Variants in DPP6 observed in about 807,000 individuals in gnomAD.
DPP6 encodes A-type potassium channel modulatory protein DPP6.
Under a neutral mutation model 122.6 loss-of-function variants are expected in DPP6, and 69 were observed. The ratio of observed to expected loss-of-function variants is 0.56; its 90% CI spans 0.46 to 0.69. The LOEUF (loss-of-function observed/expected upper bound fraction) is 0.69. DPP6 is among the 30% of genes least tolerant of loss of function. The pLI is 0.00. For missense variants in DPP6, 928 were observed against 1,116.9 expected, an observed-to-expected ratio of 0.83 and a Z score of 2.41; for synonymous variants, 418 against 433.1, an observed-to-expected ratio of 0.97 and a Z score of 0.43.
At chr7:154,648,917 TAA>T (rs59039501) in intron 6 of DPP6, among the ~76,000 whole-genome samples, 24,115 of 149,060 alleles carry the variant, frequency 0.16, 2,384 homozygotes, top group African/African-American at 0.28. Context: ...GACTCCATCT[TAA>T]AAAAAAAAAA....
At chr7:154,706,178 C>G (rs1840819274) in intron 7 of DPP6, among the ~76,000 whole-genome samples, 1 of 152,224 alleles carries the variant, frequency 6.6e-6, no homozygotes, top group Admixed American at 6.5e-5. Context: ...TCCCCTGCCA[C>G]TTCTCCAGCT....
At chr7:154,365,282 AT>A (rs756896695) in intron 1 of DPP6, among the ~76,000 whole-genome samples, 3 of 152,254 alleles carry the variant, frequency 2.0e-5, no homozygotes, top group Non-Finnish European at 2.9e-5. Flanking sequence ...AAAAGTAGAA[AT>A]TAGACAAAAA....
chr7:154,662,260 A>T (rs1461627796), intron 6 of DPP6, among the ~76,000 whole-genome samples: 5 of 151,696 alleles, frequency 3.3e-5, no homozygotes, highest in African/African-American at 1.2e-4. Flanking sequence ...CATAGTGTTC[A>T]TATAGTCATG....
chr7:154,773,652 C>A (rs1796393144), intron 10 of DPP6, among the ~76,000 whole-genome samples: 1 of 152,076 alleles, frequency 6.6e-6, no homozygotes, highest in Admixed American at 6.5e-5. Flanking sequence ...AGGACCCACC[C>A]AAGTATAGAT....
chr7:154,226,666 C>T (rs1800622432), intron 1 of DPP6, among the ~76,000 whole-genome samples: 1 of 152,170 alleles, frequency 6.6e-6, no homozygotes, highest in Non-Finnish European at 1.5e-5. Context: ...TCTACATGGG[C>T]ATCCTCAGTA....
chr7:154,195,800 C>T (rs1798836982), intron 1 of DPP6, among the ~76,000 whole-genome samples: 1 of 152,082 alleles, frequency 6.6e-6, no homozygotes, highest in African/African-American at 2.4e-5. Context: ...TCAGGTAGGT[C>T]CTTCTTCTTC....
intron 1 of DPP6, among the ~76,000 whole-genome samples, chr7:154,045,487 G>A (rs951220640): frequency 1.3e-5 from 2 of 152,260 alleles, no homozygotes; most frequent in Admixed American, 1.3e-4. Flanking sequence ...AGTTTCAGCT[G>A]GTCTGAGACA....
chr7:154,308,177 T>G (rs1036281087), intron 1 of DPP6, among the ~76,000 whole-genome samples: 4 of 152,148 alleles, frequency 2.6e-5, no homozygotes. Flanking sequence ...GCCTTGGTAT[T>G]TGGAAACCAG....
the DPP6 span, among the ~76,000 whole-genome samples, chr7:153,760,815 A>G: frequency 1.3e-5 from 2 of 152,070 alleles, no homozygotes; most frequent in African/African-American, 4.8e-5. Context: ...CTTCCAGGTT[A>G]TTCTTTCCCC....
At chr7:154,764,340 T>C (rs920212243) in intron 8 of DPP6, among the ~76,000 whole-genome samples, 3 of 151,548 alleles carry the variant, frequency 2.0e-5, no homozygotes, top group Non-Finnish European at 4.4e-5. Flanking sequence ...TACTGTAACC[T>C]GCGTGGCCAA....
chr7:154,450,311 A>G (rs1820251566), intron 2 of DPP6, among the ~76,000 whole-genome samples: 1 of 152,224 alleles, frequency 6.6e-6, no homozygotes, highest in South Asian at 2.1e-4. Flanking sequence ...AAGGGGGATG[A>G]AGAAATTATT....
At chr7:154,726,049 T>C (rs1842050393) in intron 7 of DPP6, among the ~76,000 whole-genome samples, 1 of 152,188 alleles carries the variant, frequency 6.6e-6, no homozygotes, top group Non-Finnish European at 1.5e-5. Flanking sequence ...GTCTCCATGA[T>C]CTTGGGCCAC....
At chr7:153,954,160 A>G (rs1483718640) in intron 1 of DPP6, among the ~76,000 whole-genome samples, 1 of 152,246 alleles carries the variant, frequency 6.6e-6, no homozygotes, top group Non-Finnish European at 1.5e-5. Flanking sequence ...AGCCAAGTTG[A>G]CATCTACAAT....
At chr7:154,465,632 A>G (rs1821716139) in intron 2 of DPP6, among the ~76,000 whole-genome samples, 1 of 152,280 alleles carries the variant, frequency 6.6e-6, no homozygotes, top group Non-Finnish European at 1.5e-5. Flanking sequence ...GTCATTAAAG[A>G]AATGCAAATC....
At chr7:154,591,600 C>T (rs1016942870) in intron 5 of DPP6, among the ~76,000 whole-genome samples, 1 of 152,052 alleles carries the variant, frequency 6.6e-6, no homozygotes, top group Non-Finnish European at 1.5e-5. Flanking sequence ...GCGTGCAGTT[C>T]CTCAGATCCA....
chr7:154,286,964 G>A (rs1379799740), intron 1 of DPP6, among the ~76,000 whole-genome samples: 3 of 151,980 alleles, frequency 2.0e-5, no homozygotes, highest in Admixed American at 6.6e-5. Context: ...TACCATGCCC[G>A]GCTAATTTTT....
chr7:154,683,437 T>C (rs1839408026), intron 7 of DPP6, among the ~76,000 whole-genome samples: 1 of 152,200 alleles, frequency 6.6e-6, no homozygotes, highest in Non-Finnish European at 1.5e-5. Context: ...CTTGATCCAC[T>C]ATACATTTTA....
rs1823826899 is a variant in DPP6 at position 154,486,695 on chromosome 7, A to C, written c.457+11658A>C. Among the ~76,000 whole-genome samples, 1 of 152,160 alleles carries C rather than the reference A, an allele frequency of 6.6e-6. No homozygotes were observed. The highest frequency in any genetic ancestry group is 2.4e-5 in the African/African-American group (1 of 41,448). On this transcript the variant is annotated intron_variant, in intron 3 of 25. Coordinates refer to ENST00000377770, the MANE Select transcript of DPP6 (RefSeq NM_130797.4). This position sits in a 1 kb window ranked among gnomAD's most constrained non-coding sequence, Gnocchi z 4.5. ...CTTGTGAACCAGCTAGGGTTGGACC[A>C]CCTTGGGGATGCAGCCCACTTCGCA... is the stretch of plus-strand genomic sequence containing the variant.
chr7:154,324,037 A>C (rs1048309313), intron 1 of DPP6, among the ~76,000 whole-genome samples: 1 of 152,218 alleles, frequency 6.6e-6, no homozygotes, highest in Non-Finnish European at 1.5e-5. Flanking sequence ...AAGAGGAAAC[A>C]CTGAGTCCCA....
Sources: allele counts gnomAD v4.1 joint callset (sites outside exome capture counted in the v4.1 genomes callset), GRCh38; gene constraint gnomAD v4.1.1; non-coding constraint Gnocchi (gnomAD v3.1); transcripts MANE v1.5; gene names NCBI Gene and HGNC (gene_info 2026-07-23, HGNC 2026-07-21).